NR3C1: variants seen among roughly 807,000 people sequenced by gnomAD.
NR3C1 encodes the protein nuclear receptor subfamily 3 group C member 1.
NR3C1 carries 14 observed loss-of-function variants against 74.0 expected under a neutral mutation model. The observed-to-expected ratio is 0.19, with a 90% CI of 0.12 to 0.30. NR3C1 has a LOEUF of 0.30. NR3C1 is among the 10% of genes least tolerant of loss of function. The probability of loss-of-function intolerance (pLI) is 1.00; values close to 1 mark genes in which losing one functional copy is unlikely to be tolerated. For missense variants in NR3C1, 695 were observed against 909.8 expected, an observed-to-expected ratio of 0.76 and a Z score of 3.04; for synonymous variants, 308 against 332.5, an observed-to-expected ratio of 0.93 and a Z score of 0.80.
chr5:143,297,075 C>CAAAAAAAAAAAAAA (rs766243522), intron 6 of NR3C1, among the ~76,000 whole-genome samples: 2 of 60,632 alleles, frequency 3.3e-5, no homozygotes, highest in South Asian at 6.9e-4. Flanking sequence ...AGACTCGTCT[C>CAAAAAAAAAAAAAA]AAAAAAAAAA....
intron 2 of NR3C1, among the ~76,000 whole-genome samples, chr5:143,392,365 T>C (rs1020522644): frequency 2.6e-5 from 4 of 152,224 alleles, no homozygotes; most frequent in Admixed American, 6.5e-5. Context: ...CAAAAAGCAG[T>C]AAGTGACTTT....
Position 143,400,493 on chromosome 5 carries a change from TC to T in NR3C1, c.346del (p.Glu116LysfsTer4). The T allele has an allele frequency of 6.2e-7, 1 of 1,614,204 alleles. No homozygotes were observed. Reference protein sequence around the residue: ...QQGQISLSSGETDLKLLEESI... With the variant: ...QQGQISLSSGXTDLKLLEESI... ...TTCTTCCAAAAGCTTTAAGTCTGTT[TC>T]CCCCGAGGAAAGGCTGATTTGGCCC... On this transcript the variant is annotated frameshift_variant, in exon 2 of 9. Coordinates refer to ENST00000394464, the MANE Select transcript of NR3C1 (RefSeq NM_000176.3). LOFTEE classifies it high-confidence loss of function.
chr5:143,384,383 C>T (rs543055376), intron 2 of NR3C1, among the ~76,000 whole-genome samples: 5 of 152,282 alleles, frequency 3.3e-5, no homozygotes, highest in Admixed American at 1.3e-4. Flanking sequence ...CAATAGTCCC[C>T]GGAAGTCTTA....
At chr5:143,282,326 T>C (rs184014459) in intron 8 of NR3C1, among the ~76,000 whole-genome samples, 46 of 152,294 alleles carry the variant, frequency 3.0e-4, no homozygotes, top group Non-Finnish European at 6.2e-4. Flanking sequence ...AAAACAGTAT[T>C]ACTAAATTCT....
chr5:143,293,185 A>C (rs139823371), intron 7 of NR3C1, among the ~76,000 whole-genome samples: 5 of 152,318 alleles, frequency 3.3e-5, no homozygotes, highest in African/African-American at 1.2e-4. Flanking sequence ...ATACCATGGA[A>C]TACTACTCAG....
chr5:143,403,587 T>C lies in NR3C1; in HGVS notation c.-390A>G. On this transcript the variant is annotated 5_prime_UTR_variant, in exon 1 of 9. Coordinates refer to ENST00000394464, the MANE Select transcript of NR3C1 (RefSeq NM_000176.3). ...CCGTCACAGACACGAGCTCGCAAAATGGAGGAGGCGGCGGCGGAGGGAAGA... is the reference window on the plus strand; with the variant it reads ...CCGTCACAGACACGAGCTCGCAAAACGGAGGAGGCGGCGGCGGAGGGAAGA... The C allele has an allele frequency of 1.0e-6, 1 of 985,640 alleles. No individual in the cohort carries two copies. The highest frequency in any genetic ancestry group is 1.2e-6 in the Non-Finnish European group (1 of 830,332). The allele number at this position is 985,640 out of a possible 1,614,324, so 61.1% of individuals were successfully genotyped here. A position where few individuals can be genotyped will look rare whatever the true frequency, so the allele number is the denominator to read the frequency against.
chr5:143,303,895 A>C (rs1819037841), intron 4 of NR3C1, among the ~76,000 whole-genome samples: 1 of 152,174 alleles, frequency 6.6e-6, no homozygotes, highest in Non-Finnish European at 1.5e-5. Context: ...AACCTTCACC[A>C]AACTAGGTAT....
intron 2 of NR3C1, among the ~76,000 whole-genome samples, chr5:143,325,484 C>T (rs533764205): frequency 8.5e-4 from 130 of 152,292 alleles, no homozygotes; most frequent in South Asian, 5.0e-3. Flanking sequence ...ACAGCCAAAC[C>T]GCATCACTAT....
At chr5:143,358,824 C>T (rs1413970713) in intron 2 of NR3C1, among the ~76,000 whole-genome samples, 7 of 150,964 alleles carry the variant, frequency 4.6e-5, no homozygotes, top group African/African-American at 1.5e-4. Context: ...CACTTAAACC[C>T]GGGAGGCAGA....
chr5:143,356,699 A>AT (rs397821464), intron 2 of NR3C1, among the ~76,000 whole-genome samples: 20 of 149,706 alleles, frequency 1.3e-4, no homozygotes, highest in African/African-American at 3.4e-4. Flanking sequence ...AAAAAAAAAA[A>AT]CACACGCAAA....
intron 7 of NR3C1, among the ~76,000 whole-genome samples, chr5:143,285,303 A>G (rs954530026): frequency 3.9e-5 from 6 of 152,190 alleles, no homozygotes; most frequent in African/African-American, 1.4e-4. Context: ...AAAAGGCTAC[A>G]TAGATCAGTG....
intron 2 of NR3C1, among the ~76,000 whole-genome samples, chr5:143,316,168 G>C (rs1425525056): frequency 2.0e-5 from 3 of 152,194 alleles, no homozygotes; most frequent in Non-Finnish European, 4.4e-5. Context: ...ATGTAGAGGA[G>C]CTGCTTTGGG....
intron 7 of NR3C1, among the ~76,000 whole-genome samples, chr5:143,292,122 T>C (rs1392828372): frequency 6.6e-6 from 1 of 152,192 alleles, no homozygotes; most frequent in Non-Finnish European, 1.5e-5. Context: ...CTGTATTTAA[T>C]GTTTGCCATA....
chr5:143,410,321 C>T (rs920984018), intron 1 of NR3C1, among the ~76,000 whole-genome samples: 5 of 152,080 alleles, frequency 3.3e-5, no homozygotes, highest in Non-Finnish European at 5.9e-5. Context: ...TTAGAGCACA[C>T]AGGGTTTTGT....
At chr5:143,296,535 T>C (rs1304820642) in intron 6 of NR3C1, among the ~76,000 whole-genome samples, 2 of 152,164 alleles carry the variant, frequency 1.3e-5, no homozygotes, top group African/African-American at 2.4e-5. Context: ...TTCTTGTACA[T>C]GGTTATACTC....
intron 2 of NR3C1, among the ~76,000 whole-genome samples, chr5:143,323,272 T>G (rs374653354): frequency 6.6e-6 from 1 of 152,166 alleles, no homozygotes; most frequent in East Asian, 1.9e-4. Context: ...TTAATTGGAC[T>G]TACAGTTCCA....
chr5:143,314,281 A>G (rs4986593), intron 2 of NR3C1, 113 bp from the exon 3 acceptor site: 226,103 of 1,107,618 alleles, frequency 0.2, 23,839 homozygotes, highest in Non-Finnish European at 0.22. Context: ...TCTGGCTTCA[A>G]GTGCTAGCAG....
chr5:143,303,821 AT>A (rs1207699198), intron 4 of NR3C1, among the ~76,000 whole-genome samples: 8 of 152,094 alleles, frequency 5.3e-5, no homozygotes, highest in African/African-American at 1.9e-4. Context: ...AACAAAAAAA[AT>A]AATGATCATC....
chr5:143,388,142 C>T (rs1426509414), intron 2 of NR3C1, among the ~76,000 whole-genome samples: 1 of 152,192 alleles, frequency 6.6e-6, no homozygotes, highest in East Asian at 1.9e-4. Context: ...CAATGGTAAA[C>T]AGACCAGAGT....
Sources: gnomAD v4.1 joint callset for allele counts (sites outside exome capture counted in the v4.1 genomes callset) on GRCh38, gnomAD v4.1.1 for gene constraint, MANE v1.5 for transcripts, NCBI Gene and HGNC (gene_info 2026-07-23, HGNC 2026-07-21) for gene names.